The following SNTB2 variants were observed in gnomAD, a reference collection of about 807,000 sequenced individuals.
SNTB2 encodes syntrophin beta 2, also known as beta-2-syntrophin.
SNTB2 carries 34 observed loss-of-function variants against 46.2 expected under a neutral mutation model. The ratio of observed to expected loss-of-function variants is 0.74; its 90% CI spans 0.56 to 0.98. SNTB2 has a LOEUF of 0.98. Ranked by LOEUF, SNTB2 falls within the 50% of genes least tolerant of loss-of-function variation. The probability of loss-of-function intolerance (pLI) is 0.00; values close to 1 mark genes in which losing one functional copy is unlikely to be tolerated. For missense variants in SNTB2, 603 were observed against 731.4 expected (o/e 0.82, Z 2.02); for synonymous variants, 290 against 312.6 (o/e 0.93, Z 0.76).
chr16:69,230,747 CTT>C (rs564432836), intron 1 of SNTB2, among the ~76,000 whole-genome samples: 30 of 136,702 alleles, frequency 2.2e-4, no homozygotes, highest in Admixed American at 1.5e-4. Context: ...CCGTTTCTTT[CTT>C]TTTTTTTTTT....
chr16:69,213,756 C>G (rs1358945593), intron 1 of SNTB2, among the ~76,000 whole-genome samples: 1 of 151,406 alleles, frequency 6.6e-6, no homozygotes, highest in African/African-American at 2.4e-5. Context: ...CCTTAGCATC[C>G]CAAAGTACTG....
intron 2 of SNTB2, among the ~76,000 whole-genome samples, chr16:69,254,152 C>A (rs988279447): frequency 6.6e-6 from 1 of 152,132 alleles, no homozygotes; most frequent in Non-Finnish European, 1.5e-5. Flanking sequence ...ATTGCCTCCC[C>A]CACCCAGTTT....
rs114515843 is a variant in SNTB2, at chr16:69,291,427, G to T, written c.1345+7183G>T. Among the ~76,000 whole-genome samples, 246 of 152,266 alleles carry T rather than the reference G, an allele frequency of 1.6e-3. 1 individual carries two copies. The highest frequency in any genetic ancestry group is 5.6e-3 in the African/African-American group (232 of 41,548). On this transcript the variant is annotated intron_variant, in intron 5 of 6. Coordinates refer to ENST00000336278, the MANE Select transcript of SNTB2 (RefSeq NM_006750.4). Reference sequence around the variant, plus strand: ...CAGTTCTCATTTAAAAAAACACATAGTTGGCCCAGCGCTGTGGCTTATGCC... The same window carrying T: ...CAGTTCTCATTTAAAAAAACACATATTTGGCCCAGCGCTGTGGCTTATGCC...
chr16:69,198,898 T>G (rs921809220), intron 1 of SNTB2, among the ~76,000 whole-genome samples: 1 of 133,662 alleles, frequency 7.5e-6, no homozygotes, highest in African/African-American at 2.5e-5. Context: ...ATAATAATGT[T>G]TTTTTTTTTT....
chr16:69,265,846 A>AT (rs1964879180), intron 3 of SNTB2, among the ~76,000 whole-genome samples: 1 of 151,816 alleles, frequency 6.6e-6, no homozygotes, highest in African/African-American at 2.4e-5. Context: ...AAAAAAAAAA[A>AT]AAGAAATAAA....
chr16:69,252,015 A>G (rs1964732189), intron 2 of SNTB2, among the ~76,000 whole-genome samples: 1 of 152,190 alleles, frequency 6.6e-6, no homozygotes, highest in Non-Finnish European at 1.5e-5. Flanking sequence ...GAGAGTTTCC[A>G]TTGCTCCACA....
chr16:69,231,382 A>G lies in SNTB2; in HGVS notation c.581-14220A>G, dbSNP rs777085506. 5.7e-3 allele frequency among the ~76,000 whole-genome samples: 872 copies of G among 152,224 alleles called. 4 individuals are homozygous for G. Among genetic ancestry groups the G allele is most frequent in the Non-Finnish European group, 9.3e-3 (634 of 68,020 alleles). On this transcript the variant is annotated intron_variant, in intron 1 of 6. Transcript: ENST00000336278. ...GGCAGGCGGATCATCTGAGGTGGGG[A>G]GATGGAGACCAGCCTGGCCAACATG...
chr16:69,272,836 A>G (rs1422330697), intron 4 of SNTB2, among the ~76,000 whole-genome samples: 3 of 145,552 alleles, frequency 2.1e-5, no homozygotes, highest in Non-Finnish European at 4.5e-5. Context: ...GTTGCAGTGA[A>G]CTGATATCTC....
At position 69,260,079 on chromosome 16, in the gene SNTB2, G is replaced by C. The variant is rs757107403; in HGVS notation, c.824G>C (p.Arg275Thr). 6.2e-7 allele frequency: 1 copy of C among 1,613,608 alleles called. No homozygotes were observed. The highest frequency in any genetic ancestry group is 1.1e-5 in the South Asian group (1 of 91,070). Residue 275 changes from arginine to threonine, a missense_variant, in exon 3 of 7, where the codon AGG becomes ACG. By Grantham distance (71) the Arg-to-Thr change is moderately conservative. Around this residue, in one of 2 missense-constraint regions of SNTB2, gnomAD observed 537 missense variants for 692.4 expected, o/e 0.78. Transcript: ENST00000336278. The stretch of plus-strand genomic sequence containing the variant: ...ATAGAGCTACATTCTCCTGATAGCA[G>C]GAACACGTTGATCCTACGCTGCAAA... ...RLIELHSPDS[R>T]NTLILRCKDT...
intron 1 of SNTB2, among the ~76,000 whole-genome samples, chr16:69,229,154 T>G (rs1964483613): frequency 6.6e-6 from 1 of 152,168 alleles, no homozygotes; most frequent in African/African-American, 2.4e-5. Flanking sequence ...TCTAATAATT[T>G]TTTTCATTAT....
chr16:69,271,764 T>C (rs1190891751), intron 4 of SNTB2, among the ~76,000 whole-genome samples: 1 of 152,248 alleles, frequency 6.6e-6, no homozygotes, highest in African/African-American at 2.4e-5. Context: ...GGTAGCTTTA[T>C]TCTTTTTTAA....
chr16:69,202,433 C>T (rs1020745373), intron 1 of SNTB2, among the ~76,000 whole-genome samples: 31 of 151,546 alleles, frequency 2.0e-4, no homozygotes, highest in African/African-American at 7.0e-4. Flanking sequence ...GATAGGGTTT[C>T]ACTCTGTTAC....
rs1165697233 is a variant in SNTB2 at position 69,187,886 on chromosome 16, G to C, written c.580+140G>C. The C allele has an allele frequency of 1.4e-5, 10 of 697,754 alleles. No individual in the cohort carries two copies. The East Asian group carries it at 3.1e-4, about 22-fold the overall frequency. The allele number at this position is 697,754 out of a possible 1,614,324, so 43.2% of individuals were successfully genotyped here. On this transcript the variant is annotated intron_variant, in intron 1 of 6. Transcript: ENST00000336278. The stretch of plus-strand genomic sequence containing the variant: ...AACCCGGGTTTCTGGAGCTTTCAGT[G>C]TGGAAAAACGGATGCTTCTTGCAGG...
chr16:69,227,399 C>T (rs1203166528), intron 1 of SNTB2, among the ~76,000 whole-genome samples: 1 of 152,176 alleles, frequency 6.6e-6, no homozygotes, highest in African/African-American at 2.4e-5. Context: ...GAGTGGGGTT[C>T]ACCTTGCTTT....
At chr16:69,256,681 A>G (rs965940063) in intron 2 of SNTB2, among the ~76,000 whole-genome samples, 3 of 152,208 alleles carry the variant, frequency 2.0e-5, no homozygotes, top group African/African-American at 4.8e-5. Flanking sequence ...TAATGCCATT[A>G]TATGTATATA....
At chr16:69,193,220 A>G (rs1175828955) in intron 1 of SNTB2, among the ~76,000 whole-genome samples, 2 of 149,430 alleles carry the variant, frequency 1.3e-5, no homozygotes, top group Non-Finnish European at 3.0e-5. Context: ...GTGAGACCCC[A>G]TCTGTATTTT....
intron 1 of SNTB2, among the ~76,000 whole-genome samples, chr16:69,224,432 C>T (rs968923835): frequency 3.3e-5 from 5 of 151,898 alleles, no homozygotes; most frequent in African/African-American, 9.7e-5. Context: ...AGGCTGGTCT[C>T]GAACTCCTGA....
intron 4 of SNTB2, among the ~76,000 whole-genome samples, chr16:69,274,663 A>AG (rs1964969672): frequency 6.6e-6 from 1 of 151,154 alleles, no homozygotes; most frequent in South Asian, 2.1e-4. Flanking sequence ...AAAAAAAAAA[A>AG]AAAAAAAGAG....
chr16:69,280,656 G>T (rs1353783328), intron 4 of SNTB2, among the ~76,000 whole-genome samples: 1 of 152,216 alleles, frequency 6.6e-6, no homozygotes, highest in East Asian at 1.9e-4. Context: ...CTTCCCAGTA[G>T]GGGCGGCCGG....
Sources: gnomAD v4.1 joint callset for allele counts (sites outside exome capture counted in the v4.1 genomes callset) on GRCh38, gnomAD v4.1.1 for gene constraint, gnomAD v4.1.1 regional missense constraint, MANE v1.5 for transcripts, NCBI Gene and HGNC (gene_info 2026-07-23, HGNC 2026-07-21) for gene names.